TAP2: variants seen among roughly 807,000 people sequenced by gnomAD.
TAP2 encodes the protein antigen peptide transporter 2.
In TAP2, 49 loss-of-function variants were observed where a neutral mutation model predicts 74.7. The observed-to-expected ratio is 0.66, with a 90% CI of 0.52 to 0.83. The LOEUF (loss-of-function observed/expected upper bound fraction) is 0.83. TAP2 is among the 40% of genes least tolerant of loss of function. The pLI, the probability that TAP2 is intolerant of heterozygous loss-of-function variation, is 0.00. For missense variants in TAP2, 739 were observed against 859.0 expected, an observed-to-expected ratio of 0.86 and a Z score of 1.75; for synonymous variants, 306 against 368.4, an observed-to-expected ratio of 0.83 and a Z score of 1.94.
At position 32,826,880 on chromosome 6, in the gene TAP2, T is replaced by C. The variant is rs558252112; in HGVS notation, c.*2026A>G. 4.1e-6 allele frequency: 4 copies of C among 985,258 alleles called. No homozygotes were observed. The African/African-American group carries it at 7.0e-5, about 17-fold the overall frequency. The allele number at this position is 985,258 out of a possible 1,614,324, so 61.0% of individuals were successfully genotyped here. ...TGTGAGGGCTGCAGCTTCCATGTAG[T>C]TGGGAGATACAGGAATTATTATTCC... is the stretch of plus-strand genomic sequence containing the variant. On this transcript the variant is annotated 3_prime_UTR_variant, in exon 12 of 12. Transcript: ENST00000374897.
Position 32,835,704 on chromosome 6 carries a change from C to T in TAP2, c.678G>A (p.Arg226=), listed in dbSNP as rs1322840239. ...GCAGCAGGGAGGAGAAAAGCTGCTC[C>T]CGGATCCGCAAGTTGATTCGAGACA... ...YTMSRINLRI[R]EQLFSSLLRQ... The change falls in exon 4 of 12, where the codon CGG becomes CGA. Residue 226 remains arginine, a synonymous_variant. Transcript: ENST00000374897. This position sits in a 1 kb window ranked among gnomAD's most constrained non-coding sequence, Gnocchi z 4.0. 5 of 1,613,056 alleles carry T rather than the reference C, an allele frequency of 3.1e-6. No individual in the cohort carries two copies. Among genetic ancestry groups the T allele is most frequent in the Non-Finnish European group, 3.4e-6 (4 of 1,180,032 alleles).
In TAP2 at chr6:32,837,958, G is replaced by A; in HGVS notation, c.276C>T (p.Ala92=). Residue 92 remains alanine, a synonymous_variant, in exon 2 of 12, where the codon GCC becomes GCT. Coordinates refer to ENST00000374897, the MANE Select transcript of TAP2 (RefSeq NM_001290043.2). ...LVAGASRAPP[A]RVASAPWSWL... ...AGCTCCAAGGGGCTGAAGCGACTCT[G>A]GCTGGGGGAGCACGTGAGGCCCCCG... 1 of 1,612,888 alleles carries A rather than the reference G, an allele frequency of 6.2e-7. No individual in the cohort carries two copies. The highest frequency in any genetic ancestry group is 8.5e-7 in the Non-Finnish European group (1 of 1,179,942).
In TAP2 at chr6:32,832,957, T is replaced by C; in HGVS notation, c.946-133A>G. The C allele has an allele frequency of 9.9e-7, 1 of 1,012,594 alleles. No individual in the cohort carries two copies. Among genetic ancestry groups the C allele is most frequent in the Non-Finnish European group, 1.5e-6 (1 of 671,182 alleles). The allele number at this position is 1,012,594 out of a possible 1,614,324, so 62.7% of individuals were successfully genotyped here. On this transcript the variant is annotated intron_variant, in intron 5 of 11. Coordinates refer to ENST00000374897, the MANE Select transcript of TAP2 (RefSeq NM_001290043.2). The surrounding 1 kb of genome is among the most constrained non-coding windows in gnomAD (Gnocchi z 5.9). ...CTGTTTCTCTCCCTCTTCCTTACTCTTCTTTCCAGAAGGAATAAGAGTGAA... is the reference window on the plus strand; with the variant it reads ...CTGTTTCTCTCCCTCTTCCTTACTCCTCTTTCCAGAAGGAATAAGAGTGAA...
chr6:32,832,172 G>C lies in TAP2; in HGVS notation c.1272+161C>G. On this transcript the variant is annotated intron_variant, in intron 7 of 11. Coordinates refer to ENST00000374897, the MANE Select transcript of TAP2 (RefSeq NM_001290043.2). The surrounding 1 kb of genome is among the most constrained non-coding windows in gnomAD (Gnocchi z 5.9). ...ACATGTGAGTTTGTAATATTATTTT[G>C]TCTCATTTTTGGCATATGTTTAAAA... 1 of 925,814 alleles carries C rather than the reference G, an allele frequency of 1.1e-6. No homozygotes were observed. The highest frequency in any genetic ancestry group is 1.6e-6 in the Non-Finnish European group (1 of 607,438). 57.3% of individuals were successfully genotyped at this position (925,814 alleles called of 1,614,324 possible). A position where few individuals can be genotyped will look rare whatever the true frequency, so the allele number is the denominator to read the frequency against.
Position 32,826,892 on chromosome 6 carries a change from G to A in TAP2, c.*2014C>T. 1.0e-6 allele frequency: 1 copy of A among 985,366 alleles called. No individual in the cohort carries two copies. 61.0% of individuals were successfully genotyped at this position (985,366 alleles called of 1,614,324 possible). A position where few individuals can be genotyped will look rare whatever the true frequency, so the allele number is the denominator to read the frequency against. ...AGCTTCCATGTAGTTGGGAGATACA[G>A]GAATTATTATTCCTGTTTTATGAAT... On this transcript the variant is annotated 3_prime_UTR_variant, in exon 12 of 12. Transcript: ENST00000374897.
At chr6:32,834,832 CG>C (rs1402457307) in intron 5 of TAP2, among the ~76,000 whole-genome samples, 3 of 152,084 alleles carry the variant, frequency 2.0e-5, no homozygotes, top group African/African-American at 7.2e-5. Context: ...GCAGTGGGGG[CG>C]GGGGATGTAC....
downstream of TAP2, chr6:32,822,433 T>A: frequency 1.4e-6 from 1 of 693,908 alleles, no homozygotes; most frequent in Admixed American, 3.0e-5. Context: ...ATAAGTAAAT[T>A]CATCTACAAT....
At position 32,835,205 on chromosome 6, in the gene TAP2, C is replaced by A. The variant is rs1562335102; in HGVS notation, c.894G>T (p.Leu298=). ...ISPRLTLLSL[L]HMPFTIAAEK... Reference sequence around the variant, plus strand: ...CCGCTGCTATTGTGAAGGGCATGTGCAGCAGAGAAAGGAGGGTGAGTCGAG... The same window carrying A: ...CCGCTGCTATTGTGAAGGGCATGTGAAGCAGAGAAAGGAGGGTGAGTCGAG... The change falls in exon 5 of 12, where the codon CTG becomes CTT. Residue 298 remains leucine, a synonymous_variant. Coordinates refer to ENST00000374897, the MANE Select transcript of TAP2 (RefSeq NM_001290043.2). The surrounding 1 kb of genome is among the most constrained non-coding windows in gnomAD (Gnocchi z 4.0). The A allele has an allele frequency of 6.2e-7, 1 of 1,613,026 alleles. No individual in the cohort carries two copies. The highest frequency in any genetic ancestry group is 1.3e-5 in the African/African-American group (1 of 75,024).
In TAP2 at chr6:32,837,914, C is replaced by T; in HGVS notation, c.320G>A (p.Gly107Glu). The change falls in exon 2 of 12, where the codon GGG becomes GAG. Residue 107 changes from glycine to glutamate, a missense_variant. Transcript: ENST00000374897. ...APWSWLLVGY[G>E]AAGLSWSLWA... ...CAGTGACCAGCTGAGCCCCGCAGCC[C>T]CGTACCCCACCAGCAGCCAGCTCCA... 1 of 1,613,024 alleles carries T rather than the reference C, an allele frequency of 6.2e-7. No homozygotes were observed. The highest frequency in any genetic ancestry group is 8.5e-7 in the Non-Finnish European group (1 of 1,180,020).
downstream of TAP2, chr6:32,822,162 A>G (rs1768321434): frequency 1.3e-6 from 1 of 770,656 alleles, no homozygotes; most frequent in South Asian, 1.6e-5. Context: ...TACATGTACT[A>G]TTTGCCTCAA....
downstream of TAP2, among the ~76,000 whole-genome samples, chr6:32,824,463 T>C (rs1467632893): frequency 1.3e-5 from 2 of 152,288 alleles, no homozygotes; most frequent in East Asian, 3.8e-4. Context: ...GATTTTGCGA[T>C]ATTGTTAATC....
Position 32,828,095 on chromosome 6 carries a change from C to G in TAP2, c.*811G>C. ...GCCTGTGTTCAAACTCCAACTCCAC[C>G]ACTACGACCACCTTGGGAAAGTCAT... On this transcript the variant is annotated 3_prime_UTR_variant, in exon 12 of 12. Transcript: ENST00000374897. 1.2e-6 allele frequency: 1 copy of G among 836,216 alleles called. No individual in the cohort carries two copies. The highest frequency in any genetic ancestry group is 1.4e-6 in the Non-Finnish European group (1 of 694,738). 51.8% of individuals were successfully genotyped at this position (836,216 alleles called of 1,614,324 possible).
chr6:32,829,565 CA>C, intron 10 of TAP2, 29 bp from the exon 11 acceptor site: 1 of 1,613,816 alleles, frequency 6.2e-7, no homozygotes, highest in Middle Eastern at 1.6e-4. Flanking sequence ...TTCCCTTCCT[CA>C]GATACAAGTG....
rs4148872 is a variant in TAP2, at chr6:32,835,030, C to T, written c.945+124G>A. ...AAAATGTAGTATATACTACAATATA[C>T]CTTCTCCCCTAATGGCTGAGAAGAG... On this transcript the variant is annotated intron_variant, in intron 5 of 11. Transcript: ENST00000374897. This position sits in a 1 kb window ranked among gnomAD's most constrained non-coding sequence, Gnocchi z 4.0. 138,877 of 984,956 alleles carry T rather than the reference C, an allele frequency of 0.14. 11,216 individuals carry two copies. The highest frequency in any genetic ancestry group is 0.15 in the Non-Finnish European group (95,077 of 633,548). 61.0% of individuals were successfully genotyped at this position (984,956 alleles called of 1,614,324 possible).
Position 32,828,409 on chromosome 6 carries a change from G to A in TAP2, c.*497C>T. On this transcript the variant is annotated 3_prime_UTR_variant, in exon 12 of 12. Transcript: ENST00000374897. ...TCTCATGAATATTTATGTCATTTTT[G>A]GTTAATTTCTATCTCAAACAACAGA... 8 of 985,780 alleles carry A rather than the reference G, an allele frequency of 8.1e-6. No homozygotes were observed. Among genetic ancestry groups the A allele is most frequent in the Non-Finnish European group, 7.2e-6 (6 of 830,282 alleles). 61.1% of individuals were successfully genotyped at this position (985,780 alleles called of 1,614,324 possible). A position where few individuals can be genotyped will look rare whatever the true frequency, so the allele number is the denominator to read the frequency against.
In TAP2 at chr6:32,838,172, C is replaced by T; in HGVS notation, c.62G>A (p.Trp21Ter). The change falls in exon 2 of 12, where the codon TGG becomes TAG. Residue 21 changes from tryptophan to a stop codon, truncating the protein, a stop_gained. Transcript: ENST00000374897. LOFTEE classifies it high-confidence loss of function. ...AGTCCCCAGAGGGCCCTGAAGCAGC[C>T]ACAGTAAAGCCGCGTCCACCAGCAG... ...SLLLVDAALL[W>*]LLQGPLGTLL... is the part of the protein sequence containing the mutation. 1 of 1,597,508 alleles carries T rather than the reference C, an allele frequency of 6.3e-7. No individual in the cohort carries two copies. Among genetic ancestry groups the T allele is most frequent in the Non-Finnish European group, 8.5e-7 (1 of 1,171,252 alleles).
Position 32,835,636 on chromosome 6 carries a change from GC to G in TAP2, c.739+6del. On this transcript the variant is annotated splice_donor_region_variant and intron_variant, in intron 4 of 11. Coordinates refer to ENST00000374897, the MANE Select transcript of TAP2 (RefSeq NM_001290043.2). This position sits in a 1 kb window ranked among gnomAD's most constrained non-coding sequence, Gnocchi z 4.0. ...TGGGAATCTCAGACCTGGACTCCAG[GC>G]CCCACCTGTCTTAGTCTCCTGGAAG... 6.2e-7 allele frequency: 1 copy of G among 1,613,064 alleles called. No homozygotes were observed. Among genetic ancestry groups the G allele is most frequent in the Non-Finnish European group, 8.5e-7 (1 of 1,180,014 alleles).
chr6:32,824,953 G>T (rs1768538414), downstream of TAP2, among the ~76,000 whole-genome samples: 1 of 151,800 alleles, frequency 6.6e-6, no homozygotes, highest in Non-Finnish European at 1.5e-5. Context: ...AGACAGATTT[G>T]TTATTGTTGT....
intron 3 of TAP2, among the ~76,000 whole-genome samples, chr6:32,836,959 C>T (rs929366071): frequency 6.6e-6 from 1 of 152,172 alleles, no homozygotes; most frequent in Non-Finnish European, 1.5e-5. Flanking sequence ...CCAGGTGCCT[C>T]GCTCACCTCA....
Sources: gnomAD v4.1 joint callset for allele counts (sites outside exome capture counted in the v4.1 genomes callset) on GRCh38, gnomAD v4.1.1 for gene constraint, Gnocchi (gnomAD v3.1) non-coding constraint, MANE v1.5 for transcripts, NCBI Gene and HGNC (gene_info 2026-07-23, HGNC 2026-07-21) for gene names.